The following NLGN4Y variants were observed in gnomAD, a reference collection of about 807,000 sequenced individuals.
NLGN4Y encodes the protein neuroligin-4, Y-linked.
In NLGN4Y, 4 loss-of-function variants were observed where a neutral mutation model predicts 8.4. The observed-to-expected ratio is 0.48, with a 90% CI of 0.23 to 1.09. The LOEUF (loss-of-function observed/expected upper bound fraction) is 1.09. NLGN4Y is among the 50% of genes least tolerant of loss of function. NLGN4Y has a pLI of 0.19. For synonymous variants in NLGN4Y, 35 were observed against 75.6 expected, an observed-to-expected ratio of 0.46 and a Z score of 2.78; for missense variants, 90 against 192.3, an observed-to-expected ratio of 0.47 and a Z score of 3.15.
chrY:14,567,224 T>TC (rs2080254915), intron 1 of NLGN4Y, among the ~76,000 whole-genome samples: 1 of 23,325 alleles, frequency 4.3e-5, no homozygotes, highest in Non-Finnish European at 1.0e-4. Flanking sequence ...TTTGAATTTT[T>TC]TTTTTTTTTT....
At chrY:14,783,763 C>T in intron 4 of NLGN4Y, among the ~76,000 whole-genome samples, 1 of 33,657 alleles carries the variant, frequency 3.0e-5, no homozygotes, top group Non-Finnish European at 7.4e-5. Context: ...AACATGTGTG[C>T]ATAATATACA....
At chrY:14,549,539 C>A (rs773552238) in intron 1 of NLGN4Y, among the ~76,000 whole-genome samples, 1 of 33,008 alleles carries the variant, frequency 3.0e-5, no homozygotes, top group African/African-American at 1.2e-4. Context: ...TGCATTTCAC[C>A]CTTGGTTTCT....
intron 2 of NLGN4Y, among the ~76,000 whole-genome samples, chrY:14,691,155 T>G: frequency 3.0e-5 from 1 of 33,030 alleles, no homozygotes; most frequent in South Asian, 6.7e-4. Context: ...GCAAACAAAA[T>G]CAAATCACAT....
chrY:14,752,906 T>C (rs2081045743), intron 4 of NLGN4Y, among the ~76,000 whole-genome samples: 1 of 33,668 alleles, frequency 3.0e-5, no homozygotes, highest in Non-Finnish European at 7.4e-5. Flanking sequence ...TGAGCATCTC[T>C]TTATGACTTT....
chrY:14,768,205 C>T lies in NLGN4Y; in HGVS notation c.685+44936C>T, dbSNP rs375979223. Among the ~76,000 whole-genome samples, 207 of 33,543 alleles carry T rather than the reference C, an allele frequency of 6.2e-3. No homozygotes were observed. The East Asian group carries it at 0.15, about 24-fold the overall frequency. The allele number at this position is 33,543 out of a possible 37,273, so 90.0% of individuals were successfully genotyped here. On this transcript the variant is annotated intron_variant, in intron 4 of 6. Transcript: ENST00000684976. ...GTTACTTTTACCTACCAAAATGAAC[C>T]TAAAAATTTTACCTGAACAAATTGG...
intron 1 of NLGN4Y, among the ~76,000 whole-genome samples, chrY:14,553,695 T>A: frequency 3.3e-5 from 1 of 30,754 alleles, no homozygotes; most frequent in Non-Finnish European, 7.7e-5. Flanking sequence ...TATAAAAATA[T>A]ATAAATATAT....
At chrY:14,646,891 G>C (rs1035726444) in intron 2 of NLGN4Y, among the ~76,000 whole-genome samples, 8 of 34,084 alleles carry the variant, frequency 2.3e-4, no homozygotes, top group African/African-American at 6.8e-4. Context: ...TGGTGTGCGT[G>C]AATTGTCTCA....
intron 1 of NLGN4Y, among the ~76,000 whole-genome samples, chrY:14,576,244 G>A (rs79639190): frequency 6.0e-5 from 2 of 33,469 alleles, no homozygotes; most frequent in African/African-American, 2.3e-4. Context: ...CACCCAGTTC[G>A]AGCTTTTTGG....
chrY:14,729,546 T>G, intron 4 of NLGN4Y, among the ~76,000 whole-genome samples: 1 of 33,918 alleles, frequency 2.9e-5, no homozygotes, highest in African/African-American at 1.2e-4. Context: ...AGTTGTCATG[T>G]ACTTCACTAG....
At chrY:14,763,072 A>G in intron 4 of NLGN4Y, among the ~76,000 whole-genome samples, 1 of 33,822 alleles carries the variant, frequency 3.0e-5, no homozygotes, top group Non-Finnish European at 7.3e-5. Context: ...TGATTTAGTG[A>G]CCTTTGTTCA....
intron 4 of NLGN4Y, among the ~76,000 whole-genome samples, chrY:14,761,430 A>G: frequency 2.9e-5 from 1 of 34,011 alleles, no homozygotes; most frequent in Non-Finnish European, 7.3e-5. Context: ...AGAGCAATGC[A>G]CTAGCCTTTT....
chrY:14,822,684 C>A (rs2043127374), intron 4 of NLGN4Y, among the ~76,000 whole-genome samples: 1 of 34,222 alleles, frequency 2.9e-5, no homozygotes, highest in Non-Finnish European at 7.3e-5. Context: ...GTCATATGTA[C>A]CCTGAATGAA....
At chrY:14,557,588 G>T in intron 1 of NLGN4Y, among the ~76,000 whole-genome samples, 1 of 33,353 alleles carries the variant, frequency 3.0e-5, no homozygotes, top group Non-Finnish European at 7.4e-5. Flanking sequence ...CTGTTGAGGT[G>T]TGGTGTCATC....
chrY:14,829,354 T>A, intron 5 of NLGN4Y, among the ~76,000 whole-genome samples: 1 of 33,684 alleles, frequency 3.0e-5, no homozygotes, highest in Non-Finnish European at 7.3e-5. Context: ...TATTTTCCCC[T>A]TTGGAAATGG....
chrY:14,837,801 A>T, intron 6 of NLGN4Y, among the ~76,000 whole-genome samples: 4 of 33,367 alleles, frequency 1.2e-4, no homozygotes, highest in Admixed American at 1.1e-3. Flanking sequence ...CATGTTTTTT[A>T]TTTATTTTTT....
rs746114638 is a variant in NLGN4Y at position 14,811,957 on chromosome Y, T to C, written c.686-12231T>C. The stretch of plus-strand genomic sequence containing the variant: ...TAACCACACTAACTGAATGTATTAG[T>C]CTGTTCTCATGATGTTAATAAAGAT... On this transcript the variant is annotated intron_variant, in intron 4 of 6. Coordinates refer to ENST00000684976, the MANE Select transcript of NLGN4Y (RefSeq NM_001365588.1). Among the ~76,000 whole-genome samples the C allele has an allele frequency of 8.9e-5, 3 of 33,601 alleles. No homozygotes were observed. The East Asian group carries it at 2.3e-3, about 26-fold the overall frequency. 90.1% of individuals were successfully genotyped at this position (33,601 alleles called of 37,273 possible).
chrY:14,646,973 A>G (rs771684951), intron 2 of NLGN4Y, among the ~76,000 whole-genome samples: 1 of 34,287 alleles, frequency 2.9e-5, no homozygotes, highest in Non-Finnish European at 7.3e-5. Context: ...CAGCAAAGTG[A>G]CAAGCTCTGA....
At chrY:14,581,498 A>G in intron 1 of NLGN4Y, among the ~76,000 whole-genome samples, 3 of 33,746 alleles carry the variant, frequency 8.9e-5, no homozygotes, top group African/African-American at 3.5e-4. Context: ...TGGGAAGCCC[A>G]TTGTGTATGG....
At chrY:14,757,669 T>C in intron 4 of NLGN4Y, among the ~76,000 whole-genome samples, 1 of 34,274 alleles carries the variant, frequency 2.9e-5, no homozygotes, top group Non-Finnish European at 7.3e-5. Context: ...TTTGATCTTA[T>C]GGGCTCATGT....
Sources: gnomAD v4.1 joint callset for allele counts (sites outside exome capture counted in the v4.1 genomes callset) on GRCh38, gnomAD v4.1.1 for gene constraint, MANE v1.5 for transcripts, NCBI Gene and HGNC (gene_info 2026-07-23, HGNC 2026-07-21) for gene names.